Variants in TRAF4 observed in about 807,000 individuals in gnomAD.
TRAF4 encodes TNF receptor-associated factor 4.
TRAF4 carries 9 observed loss-of-function variants against 47.3 expected under a neutral mutation model. The observed-to-expected ratio is 0.19, with a 90% CI of 0.11 to 0.33. The LOEUF is 0.33. TRAF4 is among the 10% of genes least tolerant of loss of function. TRAF4 has a pLI of 1.00. For missense variants in TRAF4, 448 were observed against 620.3 expected, an observed-to-expected ratio of 0.72 and a Z score of 2.95; for synonymous variants, 236 against 236.9, an observed-to-expected ratio of 1.00 and a Z score of 0.04.
In TRAF4 at chr17:28,749,759, T is replaced by C; in HGVS notation, c.*182T>C. The C allele has an allele frequency of 9.7e-7, 1 of 1,026,976 alleles. No homozygotes were observed. The highest frequency in any genetic ancestry group is 1.5e-6 in the Non-Finnish European group (1 of 682,248). 63.6% of individuals were successfully genotyped at this position (1,026,976 alleles called of 1,614,324 possible). Reference sequence around the variant, plus strand: ...CAATTGGTGCTTCAGCCCTGGCCCCTGTGGGGAACAGGTCTTGGGGTCATG... The same window carrying C: ...CAATTGGTGCTTCAGCCCTGGCCCCCGTGGGGAACAGGTCTTGGGGTCATG... On this transcript the variant is annotated 3_prime_UTR_variant, in exon 7 of 7. Coordinates refer to ENST00000262395, the MANE Select transcript of TRAF4 (RefSeq NM_004295.4).
chr17:28,747,512 C>G, intron 2 of TRAF4: 1 of 580,422 alleles, frequency 1.7e-6, no homozygotes, highest in Non-Finnish European at 3.0e-6. Flanking sequence ...AAGAAGTGTT[C>G]CCTCCCCTTC....
chr17:28,749,790 C>T lies in TRAF4; in HGVS notation c.*213C>T, dbSNP rs1479435914. ...GAACAGGTCTTGGGGTCATGAAGGG[C>T]TGGAAACAAGTGACCCCAGGGCCTG... On this transcript the variant is annotated 3_prime_UTR_variant, in exon 7 of 7. Transcript: ENST00000262395. The T allele has an allele frequency of 1.2e-6, 1 of 834,402 alleles. No individual in the cohort carries two copies. The highest frequency in any genetic ancestry group is 2.0e-6 in the Non-Finnish European group (1 of 506,148). 51.7% of individuals were successfully genotyped at this position (834,402 alleles called of 1,614,324 possible). A position where few individuals can be genotyped will look rare whatever the true frequency, so the allele number is the denominator to read the frequency against.
intron 1 of TRAF4, among the ~76,000 whole-genome samples, chr17:28,746,308 C>G (rs2034512097): frequency 6.6e-6 from 1 of 152,238 alleles, no homozygotes; most frequent in Admixed American, 6.5e-5. Context: ...GTGACTGGCC[C>G]TGGCTGGGGT....
chr17:28,748,212 G>T (rs959965030), intron 4 of TRAF4, 34 bp downstream of exon 4: 7 of 1,612,942 alleles, frequency 4.3e-6, no homozygotes, highest in African/African-American at 1.3e-5. Flanking sequence ...GGAGGAGGGG[G>T]TACCTGATGG....
rs142433045 is a variant in TRAF4 at position 28,745,121 on chromosome 17, C to T, written c.143+866C>T. Among the ~76,000 whole-genome samples the T allele has an allele frequency of 1.6e-4, 24 of 152,342 alleles. No homozygotes were observed. In the East Asian group the frequency reaches 4.6e-3, roughly 29 times the overall value. On this transcript the variant is annotated intron_variant, in intron 1 of 6. Transcript: ENST00000262395. ...CCCAGAGCGCAGGGGAAGGCCGAGT[C>T]GGCCACTGCCTGGCTGTTTGCTGGG...
At position 28,748,670 on chromosome 17, in the gene TRAF4, A is replaced by AG; in HGVS notation, c.780+5dup. 6.2e-7 allele frequency: 1 copy of AG among 1,608,956 alleles called. No individual in the cohort carries two copies. The highest frequency in any genetic ancestry group is 8.5e-7 in the Non-Finnish European group (1 of 1,179,770). On this transcript the variant is annotated splice_donor_region_variant and intron_variant, in intron 6 of 6. Transcript: ENST00000262395. Reference sequence around the variant, plus strand: ...AGACTCCGGCTGCAAGCACAGGGTGAGATGCCCCTTTTCCTGTCAGCCCCC... The same window carrying AG: ...AGACTCCGGCTGCAAGCACAGGGTGAGGATGCCCCTTTTCCTGTCAGCCCCC...
In TRAF4 at chr17:28,744,062, G is replaced by C. The variant is rs977338436; in HGVS notation, c.-51G>C. On this transcript the variant is annotated 5_prime_UTR_variant, in exon 1 of 7. Coordinates refer to ENST00000262395, the MANE Select transcript of TRAF4 (RefSeq NM_004295.4). ...GCCGCTCCAGCGAGGCGCGGGCTGT[G>C]GGGCCGCCGCGTGCCTGGCCCCGCT... 1.6e-6 allele frequency: 2 copies of C among 1,280,936 alleles called. No homozygotes were observed. Among genetic ancestry groups the C allele is most frequent in the Admixed American group, 3.5e-5 (1 of 28,620 alleles). 79.3% of individuals were successfully genotyped at this position (1,280,936 alleles called of 1,614,324 possible).
Position 28,749,905 on chromosome 17 carries a change from C to A in TRAF4, c.*328C>A. 1.4e-6 allele frequency: 1 copy of A among 700,734 alleles called. No individual in the cohort carries two copies. 43.4% of individuals were successfully genotyped at this position (700,734 alleles called of 1,614,324 possible). Reference sequence around the variant, plus strand: ...CTGCTCAGGTGCTATGTCCCAAGAGCCATAAGGGGGTGGGAATTGGGGAGG... The same window carrying A: ...CTGCTCAGGTGCTATGTCCCAAGAGACATAAGGGGGTGGGAATTGGGGAGG... On this transcript the variant is annotated 3_prime_UTR_variant, in exon 7 of 7. Coordinates refer to ENST00000262395, the MANE Select transcript of TRAF4 (RefSeq NM_004295.4).
chr17:28,749,619 CTCAG>C lies in TRAF4; in HGVS notation c.*47_*50del. 2.5e-6 allele frequency: 4 copies of C among 1,589,312 alleles called. No individual in the cohort carries two copies. The highest frequency in any genetic ancestry group is 3.4e-6 in the Non-Finnish European group (4 of 1,166,830). ...AGGGGAAAGGACGATGGGGCATGAC[CTCAG>C]TCAGGCACTGGCTGAACTTGGAGAG... On this transcript the variant is annotated 3_prime_UTR_variant, in exon 7 of 7. Coordinates refer to ENST00000262395, the MANE Select transcript of TRAF4 (RefSeq NM_004295.4).
Position 28,750,271 on chromosome 17 carries a change from G to T in TRAF4, c.*694G>T. On this transcript the variant is annotated 3_prime_UTR_variant, in exon 7 of 7. Coordinates refer to ENST00000262395, the MANE Select transcript of TRAF4 (RefSeq NM_004295.4). ...GGGCTTTGTGTGGAAGACGGTCCCTGCCACTGCCCTCTGCCGATGAAATGC... is the reference window on the plus strand; with the variant it reads ...GGGCTTTGTGTGGAAGACGGTCCCTTCCACTGCCCTCTGCCGATGAAATGC... The T allele has an allele frequency of 3.9e-6, 1 of 256,006 alleles. No homozygotes were observed. Among genetic ancestry groups the T allele is most frequent in the Non-Finnish European group, 7.6e-6 (1 of 132,436 alleles). The allele number at this position is 256,006 out of a possible 1,614,324, so 15.9% of individuals were successfully genotyped here.
rs200933035 is a variant in TRAF4 at position 28,747,904 on chromosome 17, G to A, written c.257G>A (p.Ser86Asn). The change falls in exon 3 of 7, where the codon AGT becomes AAT. Residue 86 changes from serine to asparagine, a missense_variant. Coordinates refer to ENST00000262395, the MANE Select transcript of TRAF4 (RefSeq NM_004295.4). Reference sequence around the variant, plus strand: ...GGCCTGCCTATCCGCTGCATCCACAGTGAGGAGGGCTGCCGCTGGAGTGGG... The same window carrying A: ...GGCCTGCCTATCCGCTGCATCCACAATGAGGAGGGCTGCCGCTGGAGTGGG... The part of the protein sequence containing the change: ...VLGLPIRCIH[S>N]EEGCRWSGPL... 17 of 1,614,000 alleles carry A rather than the reference G, an allele frequency of 1.1e-5. No homozygotes were observed. The highest frequency in any genetic ancestry group is 9.3e-6 in the Non-Finnish European group (11 of 1,180,044).
In TRAF4 at chr17:28,748,647, A is replaced by C; in HGVS notation, c.761A>C (p.Asp254Ala). ...NTALVLCPFK[D>A]SGCKHRCPKL... Reference sequence around the variant, plus strand: ...GCCCTGGTGCTCTGCCCATTCAAAGACTCCGGCTGCAAGCACAGGGTGAGA... The same window carrying C: ...GCCCTGGTGCTCTGCCCATTCAAAGCCTCCGGCTGCAAGCACAGGGTGAGA... The change falls in exon 6 of 7, where the codon GAC (aspartate) becomes GCC (alanine). Residue 254 changes from aspartate to alanine, a missense_variant. Coordinates refer to ENST00000262395, the MANE Select transcript of TRAF4 (RefSeq NM_004295.4). The C allele has an allele frequency of 6.2e-7, 1 of 1,611,338 alleles. No homozygotes were observed. The highest frequency in any genetic ancestry group is 8.5e-7 in the Non-Finnish European group (1 of 1,179,796).
intron 2 of TRAF4, chr17:28,747,487 C>G (rs574951961): frequency 6.2e-5 from 37 of 598,814 alleles, no homozygotes; most frequent in East Asian, 5.4e-4. Flanking sequence ...GTGCACAGAG[C>G]TGCTCTGTGC....
chr17:28,745,404 T>G (rs946273706), intron 1 of TRAF4: 1 of 152,216 alleles, frequency 6.6e-6, no homozygotes, highest in Non-Finnish European at 1.5e-5. Flanking sequence ...CCCCATTGTC[T>G]CCGCCACTGC....
intron 2 of TRAF4, 163 bp downstream of exon 2, chr17:28,747,427 CGAG>C: frequency 1.2e-6 from 1 of 828,506 alleles, no homozygotes; most frequent in African/African-American, 1.7e-5. Context: ...AGTTTGCAAA[CGAG>C]GCCCCTGTTT....
Position 28,744,097 on chromosome 17 carries a change from C to G in TRAF4, c.-16C>G. 4 of 1,531,174 alleles carry G rather than the reference C, an allele frequency of 2.6e-6. No individual in the cohort carries two copies. The highest frequency in any genetic ancestry group is 3.5e-6 in the Non-Finnish European group (4 of 1,146,066). The allele number at this position is 1,531,174 out of a possible 1,614,324, so 94.8% of individuals were successfully genotyped here. On this transcript the variant is annotated 5_prime_UTR_variant, in exon 1 of 7. Transcript: ENST00000262395. ...CGTGCCTGGCCCCGCTCGCCCGTGC[C>G]GGCCGCTCGCCCGCCATGCCTGGCT...
At chr17:28,747,780 G>C (rs2034538201) in intron 2 of TRAF4, 63 bp from the exon 3 acceptor site, 2 of 1,518,068 alleles carry the variant, frequency 1.3e-6, no homozygotes, top group Non-Finnish European at 1.8e-6. Flanking sequence ...TTGGGTCTAG[G>C]GGTGGGAACT....
intron 1 of TRAF4, 24 bp downstream of exon 1, chr17:28,744,279 A>T: frequency 6.6e-6 from 2 of 301,392 alleles, no homozygotes; most frequent in Non-Finnish European, 1.2e-5. Flanking sequence ...AGCAGGGGAC[A>T]GCGGGGGCGG....
At chr17:28,746,507 TCTTC>T (rs1041527423) in intron 1 of TRAF4, among the ~76,000 whole-genome samples, 1 of 152,254 alleles carries the variant, frequency 6.6e-6, no homozygotes, top group Non-Finnish European at 1.5e-5. Flanking sequence ...CCCCAGCTTC[TCTTC>T]CTTGTGTGTG....
Sources: allele counts gnomAD v4.1 joint callset (sites outside exome capture counted in the v4.1 genomes callset), GRCh38; gene constraint gnomAD v4.1.1; transcripts MANE v1.5; gene names NCBI Gene and HGNC (gene_info 2026-07-23, HGNC 2026-07-21).